Variants in TMEFF2 observed in about 807,000 individuals in gnomAD.
TMEFF2 encodes tomoregulin-2.
Under a neutral mutation model 53.8 loss-of-function variants are expected in TMEFF2, and 28 were observed. That is an observed-to-expected ratio of 0.52 (90% CI 0.39 to 0.71). The LOEUF is 0.71. Among genes scored for constraint, TMEFF2 ranks in the 30% least tolerant of loss-of-function variants. The pLI, the probability that TMEFF2 is intolerant of heterozygous loss-of-function variation, is 0.00. For synonymous variants in TMEFF2, 162 were observed against 166.3 expected (o/e 0.97, Z 0.20); for missense variants, 353 against 455.2 (o/e 0.78, Z 2.04).
intron 4 of TMEFF2, among the ~76,000 whole-genome samples, chr2:192,112,695 C>T (rs902396064): frequency 1.3e-5 from 2 of 152,056 alleles, no homozygotes; most frequent in African/African-American, 4.8e-5. Flanking sequence ...TGGGCTATGT[C>T]CTCACCGAAA....
At chr2:192,089,736 G>A (rs1245914467) in intron 4 of TMEFF2, among the ~76,000 whole-genome samples, 3 of 152,092 alleles carry the variant, frequency 2.0e-5, no homozygotes, top group African/African-American at 4.8e-5. Flanking sequence ...ATGACTTTAC[G>A]TAACCTCTTT....
intron 3 of TMEFF2, among the ~76,000 whole-genome samples, chr2:192,182,860 T>C (rs1194120638): frequency 6.6e-6 from 1 of 152,022 alleles, no homozygotes; most frequent in Non-Finnish European, 1.5e-5. Flanking sequence ...ATTTCTTTGG[T>C]ATGGCTGACT....
At chr2:191,985,546 T>C (rs567756621) in intron 7 of TMEFF2, among the ~76,000 whole-genome samples, 2 of 152,314 alleles carry the variant, frequency 1.3e-5, no homozygotes, top group African/African-American at 4.8e-5. Flanking sequence ...GTAAGTTTTC[T>C]GAAACATTAA....
intron 4 of TMEFF2, among the ~76,000 whole-genome samples, chr2:192,122,177 A>G (rs1689572198): frequency 6.6e-6 from 1 of 152,160 alleles, no homozygotes; most frequent in African/African-American, 2.4e-5. Context: ...CATAATTATT[A>G]TTTGTCAAAA....
In TMEFF2 at chr2:192,083,532, G is replaced by A. The variant is rs750585269; in HGVS notation, c.440-25757C>T. 4.6e-5 allele frequency among the ~76,000 whole-genome samples: 7 copies of A among 152,154 alleles called. No individual in the cohort carries two copies. In the South Asian group the frequency reaches 1.5e-3, roughly 32 times the overall value. On this transcript the variant is annotated intron_variant, in intron 4 of 9. Transcript: ENST00000272771. ...TCTGCAATTATAAATACTTGATGAAGTGAACTGAATTGAACTTCTCCCTCT... is the reference window on the plus strand; with the variant it reads ...TCTGCAATTATAAATACTTGATGAAATGAACTGAATTGAACTTCTCCCTCT...
intron 7 of TMEFF2, among the ~76,000 whole-genome samples, chr2:191,977,843 ATAAC>A (rs1685768700): frequency 6.6e-6 from 1 of 152,184 alleles, no homozygotes; most frequent in African/African-American, 2.4e-5. Flanking sequence ...CTTTTCAAAA[ATAAC>A]TATGTTTTTA....
chr2:192,077,459 A>G (rs1688458764), intron 4 of TMEFF2, among the ~76,000 whole-genome samples: 2 of 152,194 alleles, frequency 1.3e-5, no homozygotes, highest in Non-Finnish European at 2.9e-5. Context: ...AACTACAAGT[A>G]TAATTGCCCA....
intron 4 of TMEFF2, among the ~76,000 whole-genome samples, chr2:192,146,167 A>C (rs1034704239): frequency 1.3e-5 from 2 of 152,036 alleles, no homozygotes; most frequent in Non-Finnish European, 2.9e-5. Context: ...TTCCATCTCT[A>C]TGACAACTGC....
intron 4 of TMEFF2, among the ~76,000 whole-genome samples, chr2:192,122,450 A>G (rs1027941276): frequency 2.0e-5 from 3 of 152,208 alleles, no homozygotes; most frequent in Non-Finnish European, 2.9e-5. Flanking sequence ...GTGATAAGTT[A>G]TGCAGTTTTT....
intron 4 of TMEFF2, among the ~76,000 whole-genome samples, chr2:192,170,465 C>T (rs2106022893): frequency 1.3e-5 from 2 of 152,074 alleles, no homozygotes; most frequent in South Asian, 4.1e-4. Flanking sequence ...GGTTCCCTCT[C>T]CAACTGATTC....
At chr2:192,024,141 AG>A (rs1686918024) in intron 5 of TMEFF2, among the ~76,000 whole-genome samples, 2 of 152,270 alleles carry the variant, frequency 1.3e-5, no homozygotes, top group African/African-American at 4.8e-5. Flanking sequence ...CCCATAGATG[AG>A]GGTTTTCCAT....
chr2:191,955,872 C>T (rs1006339381), intron 8 of TMEFF2, among the ~76,000 whole-genome samples: 5 of 152,120 alleles, frequency 3.3e-5, no homozygotes, highest in Admixed American at 6.5e-5. Flanking sequence ...ACTATGCAAT[C>T]TAATATACAT....
chr2:191,950,984 T>G (rs972516562), intron 9 of TMEFF2, among the ~76,000 whole-genome samples: 18 of 152,218 alleles, frequency 1.2e-4, no homozygotes, highest in Non-Finnish European at 4.4e-5. Flanking sequence ...AGTCAAATTA[T>G]CTGAAAATGT....
rs771389870 is a variant in TMEFF2 at position 192,180,190 on chromosome 2, C to T, written c.413-496G>A. ...GTGTTGATATGTTTTACGAATACCA[C>T]AATTGTGGATGATTCCATCTGTGTC... On this transcript the variant is annotated intron_variant, in intron 3 of 9. Coordinates refer to ENST00000272771, the MANE Select transcript of TMEFF2 (RefSeq NM_016192.4). 6.6e-5 allele frequency among the ~76,000 whole-genome samples: 10 copies of T among 151,690 alleles called. No homozygotes were observed. In the Middle Eastern group the frequency reaches 0.01, roughly 156 times the overall value.
At chr2:191,989,078 G>C (rs1206851057) in intron 7 of TMEFF2, among the ~76,000 whole-genome samples, 1 of 152,090 alleles carries the variant, frequency 6.6e-6, no homozygotes, top group African/African-American at 2.4e-5. Context: ...TTAACTTTGT[G>C]AAAAAACATT....
In TMEFF2 at chr2:192,179,716, T is replaced by G. The variant is rs1255545656; in HGVS notation, c.413-22A>C. The G allele has an allele frequency of 2.0e-6, 3 of 1,517,606 alleles. No individual in the cohort carries two copies. The African/African-American group carries it at 4.3e-5, about 22-fold the overall frequency. 94.0% of individuals were successfully genotyped at this position (1,517,606 alleles called of 1,614,324 possible). ...GCATCTGTGGGGGGAAAAGTTATAT[T>G]TGCTAGTAAAACATATTCAAAAATA... On this transcript the variant is annotated intron_variant, in intron 3 of 9. Transcript: ENST00000272771.
chr2:191,956,245 A>C lies in TMEFF2; in HGVS notation c.869+10T>G. On this transcript the variant is annotated intron_variant, in intron 8 of 9. Coordinates refer to ENST00000272771, the MANE Select transcript of TMEFF2 (RefSeq NM_016192.4). Reference sequence around the variant, plus strand: ...TATACATTAACTATTCTTGCGAGTAAAAATGTTACCTGCAAGATGGCTCCT... The same window carrying C: ...TATACATTAACTATTCTTGCGAGTACAAATGTTACCTGCAAGATGGCTCCT... 3 of 1,602,664 alleles carry C rather than the reference A, an allele frequency of 1.9e-6. No individual in the cohort carries two copies. The highest frequency in any genetic ancestry group is 2.6e-6 in the Non-Finnish European group (3 of 1,176,396).
chr2:192,019,316 A>G (rs936168724), intron 5 of TMEFF2, among the ~76,000 whole-genome samples: 1 of 152,052 alleles, frequency 6.6e-6, no homozygotes, highest in Non-Finnish European at 1.5e-5. Context: ...GAGAAGTATT[A>G]TAAATATTTT....
Position 191,949,687 on chromosome 2 carries a change from C to CCTT in TMEFF2, c.*621_*623dup, listed in dbSNP as rs1204468836. On this transcript the variant is annotated 3_prime_UTR_variant, in exon 10 of 10. Transcript: ENST00000272771. Reference sequence around the variant, plus strand: ...ATGAGTTATAAAACACTTTCCCTCCCCTTCTTCTTTTATTTAGTTTATATG... The same window carrying CCTT: ...ATGAGTTATAAAACACTTTCCCTCCCCTTCTTCTTCTTTTATTTAGTTTATATG... 3 of 985,266 alleles carry CCTT rather than the reference C, an allele frequency of 3.0e-6. No individual in the cohort carries two copies. In the African/African-American group the frequency reaches 5.2e-5, roughly 17 times the overall value. The allele number at this position is 985,266 out of a possible 1,614,324, so 61.0% of individuals were successfully genotyped here. A position where few individuals can be genotyped will look rare whatever the true frequency, so the allele number is the denominator to read the frequency against.
Sources: allele counts gnomAD v4.1 joint callset (sites outside exome capture counted in the v4.1 genomes callset), GRCh38; gene constraint gnomAD v4.1.1; transcripts MANE v1.5; gene names NCBI Gene and HGNC (gene_info 2026-07-23, HGNC 2026-07-21).